Variants in ANKRD36 observed in about 807,000 individuals in gnomAD.
ANKRD36 encodes ankyrin repeat domain 36, also known as ankyrin repeat domain-containing protein 36A.
In ANKRD36, 179 loss-of-function variants were observed where a neutral mutation model predicts 278.1. The ratio of observed to expected loss-of-function variants is 0.64; its 90% CI spans 0.57 to 0.73. The LOEUF is 0.73. Among genes scored for constraint, ANKRD36 ranks in the 30% least tolerant of loss-of-function variants. The pLI is 0.00. For missense variants in ANKRD36, 1,159 were observed against 1,956.7 expected (o/e 0.59, Z 7.69); for synonymous variants, 320 against 641.1 (o/e 0.50, Z 7.57).
At chr2:97,178,321 T>G (rs1444931317) in intron 22 of ANKRD36, among the ~76,000 whole-genome samples, 2 of 151,962 alleles carry the variant, frequency 1.3e-5, no homozygotes, top group Non-Finnish European at 2.9e-5. Flanking sequence ...AGCCATCCCA[T>G]TAATGGGTAT....
intron 22 of ANKRD36, among the ~76,000 whole-genome samples, chr2:97,174,592 C>G (rs1235738843): frequency 6.6e-6 from 1 of 151,812 alleles, no homozygotes; most frequent in Non-Finnish European, 1.5e-5. Context: ...TTGACTTCCT[C>G]TTTTCCTAAT....
intron 3 of ANKRD36, among the ~76,000 whole-genome samples, chr2:97,121,443 A>G (rs1156638337): frequency 1.3e-5 from 2 of 152,108 alleles, no homozygotes; most frequent in Non-Finnish European, 2.9e-5. Flanking sequence ...GATTGAGACC[A>G]TCCTGGCTAA....
intron 15 of ANKRD36, among the ~76,000 whole-genome samples, chr2:97,155,726 C>G (rs972070532): frequency 6.8e-6 from 1 of 146,014 alleles, no homozygotes; most frequent in African/African-American, 2.4e-5. Flanking sequence ...ATTTCAGAGG[C>G]TTTTGTGCTT....
chr2:97,185,149 C>CT (rs1469983187), intron 28 of ANKRD36, among the ~76,000 whole-genome samples, 167 bp from the exon 29 acceptor site: 10 of 151,456 alleles, frequency 6.6e-5, no homozygotes, highest in African/African-American at 1.7e-4. Context: ...ACCTGTATTT[C>CT]TTTTTTTTCA....
intron 24 of ANKRD36, among the ~76,000 whole-genome samples, chr2:97,180,599 C>A (rs62153952): frequency 6.6e-6 from 1 of 151,572 alleles, no homozygotes; most frequent in African/African-American, 2.4e-5. Context: ...CTCCTCTTTG[C>A]TACTATTAGG....
At chr2:97,136,371 T>C (rs1406760289) in intron 6 of ANKRD36, among the ~76,000 whole-genome samples, 3 of 151,704 alleles carry the variant, frequency 2.0e-5, no homozygotes, top group Non-Finnish European at 2.9e-5. Context: ...TTAATATTCT[T>C]TATAAGAAAC....
At chr2:97,138,732 A>G (rs956201710) in intron 6 of ANKRD36, among the ~76,000 whole-genome samples, 1 of 152,068 alleles carries the variant, frequency 6.6e-6, no homozygotes, top group African/African-American at 2.4e-5. Context: ...TGGTACCAAA[A>G]GAGATATATA....
At chr2:97,173,475 A>T (rs1445584492) in intron 22 of ANKRD36, among the ~76,000 whole-genome samples, 1 of 151,840 alleles carries the variant, frequency 6.6e-6, no homozygotes, top group Non-Finnish European at 1.5e-5. Flanking sequence ...TGAAGAAGGA[A>T]TTTGTACACG....
At chr2:97,200,839 G>A (rs1227977739) in intron 46 of ANKRD36, among the ~76,000 whole-genome samples, 3 of 151,900 alleles carry the variant, frequency 2.0e-5, no homozygotes, top group Non-Finnish European at 4.4e-5. Flanking sequence ...GGTGTAAGGA[G>A]AAAGAGAGGA....
intron 22 of ANKRD36, among the ~76,000 whole-genome samples, chr2:97,177,248 C>A (rs2054541572): frequency 6.6e-6 from 1 of 151,910 alleles, no homozygotes; most frequent in Non-Finnish European, 1.5e-5. Flanking sequence ...AATGGCCATA[C>A]TGCCCAAGGT....
chr2:97,148,605 T>A (rs1157649228), intron 11 of ANKRD36, among the ~76,000 whole-genome samples: 1 of 152,398 alleles, frequency 6.6e-6, no homozygotes, highest in Admixed American at 6.5e-5. Context: ...ATAATGACGA[T>A]AATTGGATTT....
intron 6 of ANKRD36, among the ~76,000 whole-genome samples, chr2:97,136,837 G>T (rs1391056131): frequency 1.3e-5 from 2 of 151,948 alleles, no homozygotes; most frequent in East Asian, 3.9e-4. Flanking sequence ...TTCTACTAAT[G>T]ATGCCATTTT....
chr2:97,161,545 A>G (rs371457915), intron 17 of ANKRD36, among the ~76,000 whole-genome samples: 36 of 148,992 alleles, frequency 2.4e-4, no homozygotes, highest in South Asian at 4.3e-4. Flanking sequence ...GTTTACTTTG[A>G]TCTAACTCAT....
chr2:97,233,571 A>C (rs1230758141), intron 67 of ANKRD36, among the ~76,000 whole-genome samples, 159 bp from the exon 68 acceptor site: 1 of 152,078 alleles, frequency 6.6e-6, no homozygotes, highest in African/African-American at 2.4e-5. Flanking sequence ...GGTCTTCTGA[A>C]CTAGAGTCAA....
chr2:97,141,899 G>A (rs979498211), intron 6 of ANKRD36, among the ~76,000 whole-genome samples: 1 of 152,206 alleles, frequency 6.6e-6, no homozygotes, highest in Non-Finnish European at 1.5e-5. Flanking sequence ...AATGCTTGTA[G>A]CAGTTTTATT....
chr2:97,124,522 A>G lies in ANKRD36; in HGVS notation c.656A>G (p.His219Arg). 6.4e-7 allele frequency: 1 copy of G among 1,553,066 alleles called. No individual in the cohort carries two copies. The highest frequency in any genetic ancestry group is 8.7e-7 in the Non-Finnish European group (1 of 1,147,320). ...EKDIVILLLQ[H>R]NIDVLSRDAF... The stretch of plus-strand genomic sequence containing the variant: ...GATATAGTCATTCTTCTTCTGCAGC[A>G]CAATATTGATGTGCTTTCTCGAGAT... Residue 219 changes from histidine to arginine, a missense_variant, in exon 5 of 76, where the codon CAC (histidine) becomes CGC (arginine). His to Arg is a conservative substitution (Grantham distance 29, BLOSUM62 0). Transcript: ENST00000420699.
chr2:97,231,818 G>T (rs572178806), intron 67 of ANKRD36, among the ~76,000 whole-genome samples: 1 of 152,224 alleles, frequency 6.6e-6, no homozygotes, highest in African/African-American at 2.4e-5. Flanking sequence ...GACTGGTGGT[G>T]ATTTTGGCTC....
intron 67 of ANKRD36, among the ~76,000 whole-genome samples, chr2:97,231,485 G>A (rs1192561039): frequency 6.6e-6 from 1 of 152,136 alleles, no homozygotes; most frequent in African/African-American, 2.4e-5. Context: ...AAGCCCGTCG[G>A]AAAAGTGCAG....
At chr2:97,208,483 GA>G (rs1186872993) in intron 54 of ANKRD36, among the ~76,000 whole-genome samples, 1 of 146,428 alleles carries the variant, frequency 6.8e-6, no homozygotes, top group Non-Finnish European at 1.5e-5. Flanking sequence ...AGGAAGGTGT[GA>G]AAAGAGGAAG....
Sources: gnomAD v4.1 joint callset for allele counts (sites outside exome capture counted in the v4.1 genomes callset) on GRCh38, gnomAD v4.1.1 for gene constraint, MANE v1.5 for transcripts, NCBI Gene and HGNC (gene_info 2026-07-23, HGNC 2026-07-21) for gene names.